Variants in ANKRD10 observed in about 807,000 individuals in gnomAD.
The protein encoded by ANKRD10 is ankyrin repeat domain-containing protein 10.
In ANKRD10, 14 loss-of-function variants were observed where a neutral mutation model predicts 27.0. The ratio of observed to expected loss-of-function variants is 0.52; its 90% CI spans 0.34 to 0.81. The LOEUF (loss-of-function observed/expected upper bound fraction) is 0.81, where lower values mean the gene tolerates loss of function less well. ANKRD10 is among the 40% of genes least tolerant of loss of function. The pLI, the probability that ANKRD10 is intolerant of heterozygous loss-of-function variation, is 0.01. For synonymous variants in ANKRD10, 250 were observed against 224.5 expected, an observed-to-expected ratio of 1.11 and a Z score of -1.01; for missense variants, 493 against 544.0, an observed-to-expected ratio of 0.91 and a Z score of 0.93.
intron 4 of ANKRD10, among the ~76,000 whole-genome samples, chr13:110,887,299 GAA>G (rs1242604026): frequency 1.3e-5 from 2 of 152,164 alleles, no homozygotes; most frequent in Non-Finnish European, 2.9e-5. Context: ...TTGAAACCAT[GAA>G]AAAAGTCTTA....
intron 4 of ANKRD10, among the ~76,000 whole-genome samples, chr13:110,886,048 T>C (rs1010994580): frequency 1.3e-5 from 2 of 152,146 alleles, no homozygotes; most frequent in Non-Finnish European, 2.9e-5. Flanking sequence ...CAAAAACAAA[T>C]GATCAGTAGC....
At position 110,893,085 on chromosome 13, in the gene ANKRD10, G is replaced by A. The variant is rs1030521491; in HGVS notation, c.634C>T (p.Arg212Ter). 1.9e-6 allele frequency: 3 copies of A among 1,614,170 alleles called. No homozygotes were observed. Among genetic ancestry groups the A allele is most frequent in the Non-Finnish European group, 1.7e-6 (2 of 1,180,028 alleles). The change falls in exon 4 of 6, where the codon CGA (arginine) becomes TGA (stop). Residue 212 changes from arginine to a stop codon, truncating the protein, a stop_gained. Transcript: ENST00000267339. LOFTEE classifies it high-confidence loss of function. ...TCTGAGTCTTCCAAGCATCTCTTTC[G>A]ATTTGTTCCCACACTAATATGATTA... is the stretch of plus-strand genomic sequence containing the variant. ...FPNHISVGTN[R>*]KRCLEDSEDF...
intron 3 of ANKRD10, among the ~76,000 whole-genome samples, chr13:110,905,416 G>A (rs1399476341): frequency 6.6e-6 from 1 of 152,170 alleles, no homozygotes; most frequent in Non-Finnish European, 1.5e-5. Context: ...ACTGATGTAA[G>A]CTGGGCTAAA....
chr13:110,885,541 CA>C (rs765386709), intron 4 of ANKRD10, among the ~76,000 whole-genome samples: 14 of 150,682 alleles, frequency 9.3e-5, no homozygotes, highest in Non-Finnish European at 1.0e-4. Flanking sequence ...AGCGAGACTC[CA>C]TCTAAAAAAA....
intron 3 of ANKRD10, chr13:110,894,406 A>AAAAAAAAAAAAC (rs2065167561): frequency 9.8e-6 from 1 of 101,904 alleles, no homozygotes; most frequent in African/African-American, 6.7e-5. Context: ...GTTAATGCAA[A>AAAAAAAAAAAAC]AAAAAAAAAA....
intron 3 of ANKRD10, chr13:110,905,086 T>C (rs1243829318): frequency 6.6e-6 from 1 of 151,722 alleles, no homozygotes; most frequent in African/African-American, 2.4e-5. Flanking sequence ...ATTAGAATAA[T>C]GTGGTTTATA....
rs1401819813 is a variant in ANKRD10, at chr13:110,879,717, C to T, written c.1183G>A (p.Glu395Lys). 17 of 1,614,046 alleles carry T rather than the reference C, an allele frequency of 1.1e-5. No homozygotes were observed. Among genetic ancestry groups the T allele is most frequent in the Admixed American group, 5.0e-5 (3 of 59,990 alleles). Reference protein sequence around the residue: ...ESIPELNSVVEHSKSVKVQER... With the variant: ...ESIPELNSVVKHSKSVKVQER... ...TGCACCTTCACGGACTTGGAATGCT[C>T]GACCACACTGTTCAGTTCTGGGATG... Residue 395 changes from glutamate to lysine, a missense_variant, in exon 6 of 6, where the codon GAG becomes AAG. Transcript: ENST00000267339.
In ANKRD10 at chr13:110,880,000, G is replaced by A. The variant is rs560555528; in HGVS notation, c.900C>T (p.Gly300=). 1.9e-6 allele frequency: 3 copies of A among 1,614,202 alleles called. No homozygotes were observed. In the Admixed American group the frequency reaches 5.0e-5, roughly 27 times the overall value. ...TTCCGTTAGTTCCTGTCAAGCACTG[G>A]CCATTCCTGCTTTCCATCCCACTGA... ...TPLSGMESRN[G]QCLTGTNGIS... Residue 300 remains glycine, a synonymous_variant, in exon 6 of 6, where the codon GGC becomes GGT. Transcript: ENST00000267339.
chr13:110,912,065 C>T (rs935203151), intron 1 of ANKRD10, among the ~76,000 whole-genome samples: 4 of 152,210 alleles, frequency 2.6e-5, no homozygotes, highest in Admixed American at 6.5e-5. Flanking sequence ...ACCATGATAG[C>T]CTCTGGCTAA....
intron 1 of ANKRD10, among the ~76,000 whole-genome samples, chr13:110,913,405 G>T (rs975839091): frequency 6.6e-6 from 1 of 152,158 alleles, no homozygotes; most frequent in African/African-American, 2.4e-5. Context: ...CATTTCCCCT[G>T]GGCACCTGTT....
rs189891556 is a variant in ANKRD10, at chr13:110,886,375, A to G, written c.692-2582T>C. Among the ~76,000 whole-genome samples, 21 of 152,314 alleles carry G rather than the reference A, an allele frequency of 1.4e-4. No homozygotes were observed. In the East Asian group the frequency reaches 3.7e-3, roughly 27 times the overall value. ...AGGCTTCCATATTTTACCAATCAAGATTCTATTGTGGGAATCATTCCAACA... is the reference window on the plus strand; with the variant it reads ...AGGCTTCCATATTTTACCAATCAAGGTTCTATTGTGGGAATCATTCCAACA... On this transcript the variant is annotated intron_variant, in intron 4 of 5. Transcript: ENST00000267339.
Position 110,880,096 on chromosome 13 carries a change from G to C in ANKRD10, c.804C>G (p.Ser268Arg), listed in dbSNP as rs937518290. The change falls in exon 6 of 6, where the codon AGC becomes AGG. Residue 268 changes from serine (S) to arginine (R), a missense_variant. Coordinates refer to ENST00000267339, the MANE Select transcript of ANKRD10 (RefSeq NM_017664.4). ...CATTTGTCAATGTATTCGATACGGA[G>C]CTACTGTTTTTCATATCTGCATTAA... ...FAVVTDMKNSSSVSNTLTNGC... is the reference protein window; with the variant it reads ...FAVVTDMKNSRSVSNTLTNGC... 1.9e-6 allele frequency: 3 copies of C among 1,612,886 alleles called. No individual in the cohort carries two copies. Among genetic ancestry groups the C allele is most frequent in the Non-Finnish European group, 2.5e-6 (3 of 1,179,084 alleles).
chr13:110,914,524 G>GC (rs1218386211), intron 1 of ANKRD10: 13 of 625,098 alleles, frequency 2.1e-5, no homozygotes, highest in South Asian at 1.6e-4. Context: ...TCCGCCCCGC[G>GC]CCCCCCGGCT....
chr13:110,915,053 T>C lies in ANKRD10; in HGVS notation c.-119A>G, dbSNP rs2065855470. The C allele has an allele frequency of 7.1e-7, 1 of 1,415,638 alleles. No homozygotes were observed. The highest frequency in any genetic ancestry group is 2.7e-5 in the East Asian group (1 of 36,744). 87.7% of individuals were successfully genotyped at this position (1,415,638 alleles called of 1,614,324 possible). A position where few individuals can be genotyped will look rare whatever the true frequency, so the allele number is the denominator to read the frequency against. ...AGCGCCGCGGTCGCGTCCCACAGGC[T>C]GCCGAGCGGAGCGCGCACAGAGGGG... On this transcript the variant is annotated 5_prime_UTR_variant, in exon 1 of 6. Coordinates refer to ENST00000267339, the MANE Select transcript of ANKRD10 (RefSeq NM_017664.4).
intron 1 of ANKRD10, among the ~76,000 whole-genome samples, chr13:110,912,606 AAG>A (rs1332116306): frequency 6.6e-6 from 1 of 152,236 alleles, no homozygotes; most frequent in Non-Finnish European, 1.5e-5. Flanking sequence ...GAATTCTGGA[AAG>A]ATACTGTTCA....
intron 4 of ANKRD10, among the ~76,000 whole-genome samples, chr13:110,889,624 G>C (rs1432766037): frequency 1.3e-5 from 2 of 152,206 alleles, no homozygotes. Context: ...TAAAATACTT[G>C]AAAGTAGTTT....
chr13:110,883,485 T>A (rs1046363052), intron 5 of ANKRD10: 6 of 1,291,236 alleles, frequency 4.6e-6, no homozygotes, highest in Non-Finnish European at 5.9e-6. Context: ...ATAACATTTT[T>A]AAAAAGACAC....
chr13:110,894,417 A>C (rs989287199), intron 3 of ANKRD10: 11 of 318,230 alleles, frequency 3.5e-5, no homozygotes, highest in Admixed American at 1.4e-4. Flanking sequence ...AAAAAAAAAA[A>C]AAAAAAAAAA....
intron 3 of ANKRD10, among the ~76,000 whole-genome samples, chr13:110,903,114 C>A (rs1381964487): frequency 1.3e-5 from 2 of 152,126 alleles, no homozygotes; most frequent in Non-Finnish European, 2.9e-5. Flanking sequence ...AGATGACAAT[C>A]TTTTTGTAAT....
Sources: gnomAD v4.1 joint callset for allele counts (sites outside exome capture counted in the v4.1 genomes callset) on GRCh38, gnomAD v4.1.1 for gene constraint, MANE v1.5 for transcripts, NCBI Gene and HGNC (gene_info 2026-07-23, HGNC 2026-07-21) for gene names.